The following DOCK3 variants were observed in gnomAD, a reference collection of about 807,000 sequenced individuals.
The protein encoded by DOCK3 is dedicator of cytokinesis protein 3.
DOCK3 carries 60 observed loss-of-function variants against 265.6 expected under a neutral mutation model. The ratio of observed to expected loss-of-function variants is 0.23; its 90% CI spans 0.18 to 0.28. DOCK3 has a LOEUF of 0.28. Ranked by LOEUF, DOCK3 falls within the 10% of genes least tolerant of loss-of-function variation. The pLI is 1.00. For missense variants in DOCK3, 1,981 were observed against 2,594.3 expected (o/e 0.76, Z 5.14); for synonymous variants, 881 against 938.0 (o/e 0.94, Z 1.11).
At chr3:50,731,887 G>A (rs2038233637) in intron 1 of DOCK3, among the ~76,000 whole-genome samples, 1 of 152,124 alleles carries the variant, frequency 6.6e-6, no homozygotes. Flanking sequence ...AAGAAAAGAA[G>A]TAGCAAACAT....
intron 5 of DOCK3, among the ~76,000 whole-genome samples, chr3:51,017,180 T>C (rs2079382418): frequency 1.3e-5 from 2 of 150,582 alleles, no homozygotes; most frequent in Admixed American, 1.3e-4. Context: ...TTTTTCATAG[T>C]AGCCACTAAT....
At chr3:51,167,202 A>T (rs1265781898) in intron 12 of DOCK3, among the ~76,000 whole-genome samples, 2 of 152,146 alleles carry the variant, frequency 1.3e-5, no homozygotes, top group Non-Finnish European at 2.9e-5. Context: ...AGCATCACTT[A>T]TTGAAAACTG....
At chr3:50,889,928 C>A in intron 3 of DOCK3, 98 bp from the exon 4 acceptor site, 1 of 955,142 alleles carries the variant, frequency 1.0e-6, no homozygotes, top group Non-Finnish European at 1.4e-6. Flanking sequence ...AGGAGATCTA[C>A]TATGTTTCTG....
chr3:50,923,884 C>G (rs2108063915), intron 4 of DOCK3, among the ~76,000 whole-genome samples: 1 of 152,268 alleles, frequency 6.6e-6, no homozygotes. Flanking sequence ...TTATGATATT[C>G]CCTGGGGATC....
intron 26 of DOCK3, chr3:51,278,475 GGAGCAAGCC>G (rs1441347765): frequency 3.0e-6 from 3 of 985,244 alleles, no homozygotes; most frequent in Non-Finnish European, 3.6e-6. Context: ...AAAACCCTCT[GGAGCAAGCC>G]AAGCTACAGC....
chr3:51,312,413 G>A, intron 29 of DOCK3, 63 bp from the exon 30 acceptor site: 1 of 1,391,830 alleles, frequency 7.2e-7, no homozygotes, highest in Non-Finnish European at 1.0e-6. Flanking sequence ...CATGTATTTA[G>A]TAACGCTCCC....
intron 9 of DOCK3, among the ~76,000 whole-genome samples, chr3:51,107,563 C>A (rs1374916803): frequency 6.6e-6 from 1 of 152,098 alleles, no homozygotes; most frequent in Non-Finnish European, 1.5e-5. Flanking sequence ...GTATTAACAG[C>A]AGAATAGACC....
intron 3 of DOCK3, among the ~76,000 whole-genome samples, chr3:50,880,928 C>T (rs983629412): frequency 3.9e-5 from 6 of 152,172 alleles, no homozygotes; most frequent in Non-Finnish European, 8.8e-5. Flanking sequence ...GCTTATCCAC[C>T]ATGATCAAGT....
At chr3:50,994,237 A>G (rs2078205089) in intron 5 of DOCK3, among the ~76,000 whole-genome samples, 1 of 152,240 alleles carries the variant, frequency 6.6e-6, no homozygotes, top group Non-Finnish European at 1.5e-5. Context: ...AGGGAAAAAG[A>G]TAAGTCAAAA....
chr3:51,145,408 T>C (rs2085253157), intron 9 of DOCK3, among the ~76,000 whole-genome samples: 1 of 151,786 alleles, frequency 6.6e-6, no homozygotes, highest in Admixed American at 6.6e-5. Flanking sequence ...GTCCCTGGAG[T>C]GTGATGTTCC....
At chr3:51,249,330 G>A (rs2079044305) in intron 22 of DOCK3, among the ~76,000 whole-genome samples, 1 of 146,802 alleles carries the variant, frequency 6.8e-6, no homozygotes, top group Non-Finnish European at 1.5e-5. Context: ...GGGAGGTGGG[G>A]GGTTCAGGCC....
At chr3:50,976,683 A>G (rs1487055996) in intron 5 of DOCK3, among the ~76,000 whole-genome samples, 6 of 151,834 alleles carry the variant, frequency 4.0e-5, no homozygotes, top group African/African-American at 1.2e-4. Flanking sequence ...GCTGAGTTCA[A>G]TTGCTGGGTA....
chr3:51,196,414 G>C (rs1327360622), intron 12 of DOCK3, among the ~76,000 whole-genome samples: 1 of 152,094 alleles, frequency 6.6e-6, no homozygotes, highest in African/African-American at 2.4e-5. Context: ...CCCAGGGATT[G>C]CTGAGTCTCT....
intron 5 of DOCK3, among the ~76,000 whole-genome samples, chr3:51,015,453 C>T (rs1201928029): frequency 6.6e-6 from 1 of 151,264 alleles, no homozygotes; most frequent in Admixed American, 6.6e-5. Context: ...TATTTTGAAC[C>T]ATCCTTGAAT....
intron 1 of DOCK3, among the ~76,000 whole-genome samples, chr3:50,699,272 A>G (rs531106076): frequency 2.0e-5 from 3 of 152,136 alleles, no homozygotes; most frequent in South Asian, 2.1e-4. Context: ...TCACTGGTCT[A>G]TTTGTCTGTC....
At chr3:50,844,363 A>G (rs1357681699) in intron 3 of DOCK3, among the ~76,000 whole-genome samples, 5 of 152,060 alleles carry the variant, frequency 3.3e-5, no homozygotes, top group Non-Finnish European at 7.4e-5. Flanking sequence ...CTACAGGTGC[A>G]TAGCACCACA....
At chr3:50,947,077 A>C (rs1393786907) in intron 5 of DOCK3, among the ~76,000 whole-genome samples, 1 of 152,170 alleles carries the variant, frequency 6.6e-6, no homozygotes, top group Non-Finnish European at 1.5e-5. Flanking sequence ...CTGACTCATT[A>C]AATGATTGAT....
At chr3:51,015,688 G>C (rs1464027049) in intron 5 of DOCK3, among the ~76,000 whole-genome samples, 1 of 122,870 alleles carries the variant, frequency 8.1e-6, no homozygotes, top group Non-Finnish European at 1.6e-5. Context: ...GGAATAGTTT[G>C]ATTAGGATTG....
At chr3:50,790,799 G>A (rs2042431840) in intron 2 of DOCK3, among the ~76,000 whole-genome samples, 1 of 152,028 alleles carries the variant, frequency 6.6e-6, no homozygotes, top group South Asian at 2.1e-4. Context: ...GTGCCTGGGC[G>A]ATGATCTTCC....
Sources: gnomAD v4.1 joint callset for allele counts (sites outside exome capture counted in the v4.1 genomes callset) on GRCh38, gnomAD v4.1.1 for gene constraint, MANE v1.5 for transcripts, NCBI Gene and HGNC (gene_info 2026-07-23, HGNC 2026-07-21) for gene names.